SKP1: variants seen among roughly 807,000 people sequenced by gnomAD.
SKP1 encodes S-phase kinase associated protein 1, also known as S-phase kinase-associated protein 1.
SKP1 carries 1 observed loss-of-function variant against 21.5 expected under a neutral mutation model. The ratio of observed to expected loss-of-function variants is 0.05; its 90% CI spans 0.02 to 0.22. SKP1 has a LOEUF of 0.22. Among genes scored for constraint, SKP1 ranks in the 10% least tolerant of loss-of-function variants. The pLI is 1.00. For missense variants in SKP1, 70 were observed against 192.0 expected, an observed-to-expected ratio of 0.36 and a Z score of 3.76; for synonymous variants, 59 against 59.3, an observed-to-expected ratio of 0.99 and a Z score of 0.03.
At chr5:134,160,267 G>A (rs1761196137) in intron 4 of SKP1, among the ~76,000 whole-genome samples, 1 of 151,940 alleles carries the variant, frequency 6.6e-6, no homozygotes, top group African/African-American at 2.4e-5. Flanking sequence ...TGAGGCAGGA[G>A]AATTGCTTGA....
At chr5:134,166,262 T>C (rs1049104838) in intron 3 of SKP1, among the ~76,000 whole-genome samples, 4 of 145,928 alleles carry the variant, frequency 2.7e-5, no homozygotes, top group African/African-American at 5.1e-5. Flanking sequence ...AAAAAAAACA[T>C]AGAAATGTAT....
At chr5:134,173,240 G>C (rs532528235) in intron 2 of SKP1, 1 of 154,358 alleles carries the variant, frequency 6.5e-6, no homozygotes, top group Non-Finnish European at 1.4e-5. Context: ...GCTGAGGCAG[G>C]AGAATCGCTT....
intron 4 of SKP1, among the ~76,000 whole-genome samples, chr5:134,158,953 T>A (rs1048512526): frequency 6.6e-5 from 10 of 152,246 alleles, no homozygotes; most frequent in African/African-American, 2.4e-4. Context: ...TATAGCACTA[T>A]ATTGATCTCA....
At chr5:134,171,018 T>C (rs768204687) in intron 2 of SKP1, 2 of 456,076 alleles carry the variant, frequency 4.4e-6, no homozygotes, top group African/African-American at 2.0e-5. Flanking sequence ...CTTCATTCAA[T>C]AGGTACTTGA....
chr5:134,175,406 CAGAGT>C (rs1191644087), intron 1 of SKP1: 8 of 152,184 alleles, frequency 5.3e-5, no homozygotes, highest in Non-Finnish European at 1.2e-4. Context: ...GAGAAGGATG[CAGAGT>C]AGAGGACCCT....
chr5:134,165,142 T>A (rs1761303361), intron 3 of SKP1, among the ~76,000 whole-genome samples: 1 of 151,944 alleles, frequency 6.6e-6, no homozygotes, highest in African/African-American at 2.4e-5. Context: ...ATGATAAAGT[T>A]CTGAAAATGC....
chr5:134,168,135 A>G (rs1761369070), intron 2 of SKP1, among the ~76,000 whole-genome samples: 2 of 152,238 alleles, frequency 1.3e-5, no homozygotes, highest in South Asian at 2.1e-4. Context: ...ATTACATAAA[A>G]TAAGTTCTTA....
chr5:134,167,726 G>A (rs1018699586), intron 2 of SKP1, among the ~76,000 whole-genome samples: 6 of 152,094 alleles, frequency 3.9e-5, no homozygotes, highest in South Asian at 2.1e-4. Flanking sequence ...GGGTTTCACC[G>A]TGTTAGCCAG....
At chr5:134,171,980 G>A (rs60364669) in intron 2 of SKP1, among the ~76,000 whole-genome samples, 8,400 of 152,236 alleles carry the variant, frequency 0.055, 775 homozygotes, top group African/African-American at 0.19. Context: ...GGAGGCAGAG[G>A]TGGCAGTGAG....
chr5:134,165,980 G>A (rs1761323891), intron 3 of SKP1, among the ~76,000 whole-genome samples: 1 of 151,864 alleles, frequency 6.6e-6, no homozygotes, highest in African/African-American at 2.4e-5. Flanking sequence ...ATCGTCTGAG[G>A]TCAGGAGTTG....
intron 2 of SKP1, 170 bp downstream of exon 2, chr5:134,173,756 G>A: frequency 1.4e-6 from 1 of 692,938 alleles, no homozygotes; most frequent in East Asian, 2.8e-5. Context: ...AGACAATGCA[G>A]AAAGGATGAC....
rs1443806342 is a variant in SKP1, at chr5:134,149,819, C to A, written c.*7914G>T. On this transcript the variant is annotated 3_prime_UTR_variant, in exon 6 of 6. Coordinates refer to ENST00000353411, the MANE Select transcript of SKP1 (RefSeq NM_170679.3). Reference sequence around the variant, plus strand: ...AGTCTTTGTGTATTGGCGGGGAAGTCTTTGGCAACTCTGTTTAAATCAGAT... The same window carrying A: ...AGTCTTTGTGTATTGGCGGGGAAGTATTTGGCAACTCTGTTTAAATCAGAT... The A allele has an allele frequency of 6.6e-6, 1 of 151,240 alleles. No individual in the cohort carries two copies. Among genetic ancestry groups the A allele is most frequent in the East Asian group, 1.9e-4 (1 of 5,156 alleles). The allele number at this position is 151,240 out of a possible 1,614,324, so 9.4% of individuals were successfully genotyped here. A position where few individuals can be genotyped will look rare whatever the true frequency, so the allele number is the denominator to read the frequency against.
intron 4 of SKP1, among the ~76,000 whole-genome samples, chr5:134,158,945 T>C (rs774487125): frequency 2.6e-5 from 4 of 152,270 alleles, no homozygotes; most frequent in Non-Finnish European, 4.4e-5. Flanking sequence ...TAAGCAGTTA[T>C]AGCACTATAT....
In SKP1 at chr5:134,173,766, C is replaced by T. The variant is rs751266292; in HGVS notation, c.97+160G>A. On this transcript the variant is annotated intron_variant, in intron 2 of 5. Transcript: ENST00000353411. ...AATTCAGACAATGCAGAAAGGATGA[C>T]CTGTATCAGAAAAATGTAAGTTATA... 48 of 697,750 alleles carry T rather than the reference C, an allele frequency of 6.9e-5. No homozygotes were observed. The Admixed American group carries it at 8.3e-4, about 12-fold the overall frequency. 43.2% of individuals were successfully genotyped at this position (697,750 alleles called of 1,614,324 possible).
chr5:134,171,146 C>T, intron 2 of SKP1: 1 of 384,822 alleles, frequency 2.6e-6, no homozygotes, highest in Non-Finnish European at 5.1e-6. Context: ...AAAGAGAATT[C>T]TAAGCTTTTA....
chr5:134,149,486 T>C lies in SKP1; in HGVS notation c.*8247A>G, dbSNP rs1016153151. On this transcript the variant is annotated 3_prime_UTR_variant, in exon 6 of 6. Transcript: ENST00000353411. ...ACAGCCACTGGGCCACCATCATGCA[T>C]TGTCATTGTCACTCCACTGAGTTCT... 9.9e-5 allele frequency: 15 copies of C among 152,244 alleles called. No homozygotes were observed. The highest frequency in any genetic ancestry group is 7.2e-5 in the African/African-American group (3 of 41,452). The allele number at this position is 152,244 out of a possible 1,614,324, so 9.4% of individuals were successfully genotyped here. A position where few individuals can be genotyped will look rare whatever the true frequency, so the allele number is the denominator to read the frequency against.
chr5:134,165,433 T>TA (rs1233169515), intron 3 of SKP1, among the ~76,000 whole-genome samples: 1 of 137,168 alleles, frequency 7.3e-6, no homozygotes, highest in African/African-American at 2.8e-5. Flanking sequence ...TCTACAAAAA[T>TA]AAAAAAATTA....
At position 134,149,660 on chromosome 5, in the gene SKP1, T is replaced by C. The variant is rs556667738; in HGVS notation, c.*8073A>G. ...AGCCATTCTCTGGACATCTGTCCCA[T>C]TTTAAAGAATTCTGTTCTGGCTACT... On this transcript the variant is annotated 3_prime_UTR_variant, in exon 6 of 6. Coordinates refer to ENST00000353411, the MANE Select transcript of SKP1 (RefSeq NM_170679.3). 2.4e-4 allele frequency: 37 copies of C among 152,356 alleles called. No individual in the cohort carries two copies. Among genetic ancestry groups the C allele is most frequent in the African/African-American group, 8.9e-4 (37 of 41,590 alleles). 9.4% of individuals were successfully genotyped at this position (152,356 alleles called of 1,614,324 possible).
chr5:134,172,541 T>C (rs2149377249), intron 2 of SKP1, among the ~76,000 whole-genome samples: 1 of 146,366 alleles, frequency 6.8e-6, no homozygotes, highest in Non-Finnish European at 1.5e-5. Flanking sequence ...TTCAGAGGAA[T>C]GACAAAACAG....
Sources: allele counts gnomAD v4.1 joint callset (sites outside exome capture counted in the v4.1 genomes callset), GRCh38; gene constraint gnomAD v4.1.1; transcripts MANE v1.5; gene names NCBI Gene and HGNC (gene_info 2026-07-23, HGNC 2026-07-21).